ELAPOR2: variants seen among roughly 807,000 people sequenced by gnomAD.
ELAPOR2 encodes the protein endosome-lysosome associated apoptosis and autophagy regulator family member 2, also known as endosome/lysosome-associated apoptosis and autophagy regulator family member 2.
Under a neutral mutation model 120.7 loss-of-function variants are expected in ELAPOR2, and 89 were observed. The ratio of observed to expected loss-of-function variants is 0.74; its 90% CI spans 0.62 to 0.88. ELAPOR2 has a LOEUF of 0.88. Ranked by LOEUF, ELAPOR2 falls within the 40% of genes least tolerant of loss-of-function variation. The pLI is 0.00. For synonymous variants in ELAPOR2, 444 were observed against 444.9 expected, an observed-to-expected ratio of 1.00 and a Z score of 0.03; for missense variants, 1,134 against 1,251.6, an observed-to-expected ratio of 0.91 and a Z score of 1.42.
chr7:86,984,863 T>TA (rs1317936214), intron 1 of ELAPOR2, among the ~76,000 whole-genome samples: 18 of 151,766 alleles, frequency 1.2e-4, no homozygotes, highest in South Asian at 4.2e-4. Flanking sequence ...GATAGAGACA[T>TA]AAAAAACCCT....
chr7:86,980,855 T>C (rs1792448744), intron 1 of ELAPOR2, among the ~76,000 whole-genome samples: 1 of 152,070 alleles, frequency 6.6e-6, no homozygotes, highest in Non-Finnish European at 1.5e-5. Flanking sequence ...GATTAACGTT[T>C]CCCCCATTAT....
intron 18 of ELAPOR2, among the ~76,000 whole-genome samples, chr7:86,907,302 T>C (rs997529280): frequency 2.4e-4 from 37 of 152,118 alleles, no homozygotes; most frequent in African/African-American, 8.4e-4. Flanking sequence ...AGCTAGTTAA[T>C]TGTTGATCTA....
intron 1 of ELAPOR2, among the ~76,000 whole-genome samples, chr7:87,031,739 T>G (rs1794428559): frequency 6.6e-6 from 1 of 152,180 alleles, no homozygotes; most frequent in Non-Finnish European, 1.5e-5. Flanking sequence ...TTACATTATC[T>G]TATTGGAGCT....
At position 86,947,768 on chromosome 7, in the gene ELAPOR2, A is replaced by C. The variant is rs952987493; in HGVS notation, c.465T>G (p.Thr155=). Residue 155 remains threonine, a synonymous_variant, in exon 3 of 22, where the codon ACT becomes ACG. Coordinates refer to ENST00000450689, the MANE Select transcript of ELAPOR2 (RefSeq NM_001142749.3). Reference sequence around the variant, plus strand: ...GCCTGCTGTCAGAAGGGCCCACCACAGTGTCCATGAATGTTGCGATGTTAG... The same window carrying C: ...GCCTGCTGTCAGAAGGGCCCACCACCGTGTCCATGAATGTTGCGATGTTAG... ...GFSNIATFMD[T]VVGPSDSRPD... is the part of the protein sequence containing the mutation. The C allele has an allele frequency of 2.7e-5, 42 of 1,551,622 alleles. No homozygotes were observed. The highest frequency in any genetic ancestry group is 3.5e-5 in the Non-Finnish European group (40 of 1,147,000).
At chr7:86,901,225 AAATG>A (rs1409326126) in intron 18 of ELAPOR2, among the ~76,000 whole-genome samples, 1 of 152,214 alleles carries the variant, frequency 6.6e-6, no homozygotes, top group Non-Finnish European at 1.5e-5. Flanking sequence ...CTTTCTTGGT[AAATG>A]AATAAGAGAC....
At chr7:86,985,543 A>G (rs998777817) in intron 1 of ELAPOR2, among the ~76,000 whole-genome samples, 19 of 152,232 alleles carry the variant, frequency 1.2e-4, no homozygotes, top group Admixed American at 1.2e-3. Context: ...AACATACGCA[A>G]ATCAATAAAT....
intron 6 of ELAPOR2, 133 bp from the exon 7 acceptor site, chr7:86,939,093 T>C: frequency 2.3e-6 from 2 of 871,366 alleles, no homozygotes; most frequent in Non-Finnish European, 1.7e-6. Flanking sequence ...TTTTATCTTA[T>C]TCATCCAGCA....
chr7:86,881,321 C>T (rs1027117090), intron 21 of ELAPOR2, among the ~76,000 whole-genome samples: 3 of 151,386 alleles, frequency 2.0e-5, no homozygotes, highest in Non-Finnish European at 4.4e-5. Context: ...CTCAGCCTCC[C>T]GAGTAGCTGG....
chr7:86,892,506 C>T (rs1788213541), intron 20 of ELAPOR2, among the ~76,000 whole-genome samples: 2 of 152,070 alleles, frequency 1.3e-5, no homozygotes, highest in South Asian at 2.1e-4. Context: ...TTTGCCTATA[C>T]ACTAGGTCTG....
At chr7:87,038,526 G>A (rs1794657820) in intron 1 of ELAPOR2, among the ~76,000 whole-genome samples, 2 of 152,214 alleles carry the variant, frequency 1.3e-5, no homozygotes, top group Non-Finnish European at 1.5e-5. Flanking sequence ...TTAAAGAAAT[G>A]CACATGTTAG....
chr7:86,936,443 A>C (rs765668245), intron 8 of ELAPOR2, among the ~76,000 whole-genome samples: 15 of 152,124 alleles, frequency 9.9e-5, no homozygotes, highest in Non-Finnish European at 1.6e-4. Context: ...AAAATTTCAA[A>C]TTCACATATG....
intron 1 of ELAPOR2, among the ~76,000 whole-genome samples, chr7:86,973,144 A>C (rs1340118078): frequency 1.3e-5 from 2 of 152,090 alleles, no homozygotes; most frequent in African/African-American, 2.4e-5. Flanking sequence ...CTCCACAGCC[A>C]GTTCTAAATG....
intron 6 of ELAPOR2, 93 bp downstream of exon 6, chr7:86,939,917 A>G: frequency 2.9e-6 from 2 of 684,040 alleles, no homozygotes; most frequent in South Asian, 2.7e-5. Context: ...TGTTCTATAA[A>G]TCTTTGAGCC....
chr7:87,033,057 G>A (rs75516291), intron 1 of ELAPOR2, among the ~76,000 whole-genome samples: 18 of 152,194 alleles, frequency 1.2e-4, no homozygotes, highest in African/African-American at 3.6e-4. Context: ...AATAAGATTC[G>A]ATCAATAGCC....
rs1416915957 is a variant in ELAPOR2 at position 86,944,973 on chromosome 7, C to T, written c.580G>A (p.Val194Met). The change falls in exon 4 of 22, where the codon GTG (valine) becomes ATG (methionine). Residue 194 changes from valine to methionine, a missense_variant. By Grantham distance (21) the Val-to-Met change is conservative. Transcript: ENST00000450689. ...ACATAGCCTGACTTCTTAAGGTGCA[C>T]AGCATAGATCAAAGACACCGTGCAG... The part of the protein sequence containing the change: ...DDCTVSLIYA[V>M]HLKKSGYVFF... 6.4e-7 allele frequency: 1 copy of T among 1,550,646 alleles called. No homozygotes were observed. Among genetic ancestry groups the T allele is most frequent in the African/African-American group, 1.4e-5 (1 of 73,002 alleles).
chr7:87,020,518 G>T (rs1794004622), intron 1 of ELAPOR2, among the ~76,000 whole-genome samples: 1 of 152,086 alleles, frequency 6.6e-6, no homozygotes, highest in Non-Finnish European at 1.5e-5. Flanking sequence ...GCCAGGCTCA[G>T]AAGGTAACAT....
At chr7:86,955,748 T>C (rs2116433289) in intron 2 of ELAPOR2, among the ~76,000 whole-genome samples, 1 of 152,150 alleles carries the variant, frequency 6.6e-6, no homozygotes, top group South Asian at 2.1e-4. Flanking sequence ...CCAATTCAGA[T>C]TCCAAGTTTC....
intron 2 of ELAPOR2, among the ~76,000 whole-genome samples, chr7:86,948,559 T>C (rs937392406): frequency 6.6e-6 from 1 of 152,068 alleles, no homozygotes; most frequent in Non-Finnish European, 1.5e-5. Context: ...AGCAGTGCAA[T>C]AGTTGAACAG....
chr7:86,972,271 T>A (rs75894239), intron 1 of ELAPOR2, among the ~76,000 whole-genome samples: 2,739 of 152,204 alleles, frequency 0.018, 37 homozygotes, highest in Non-Finnish European at 0.026. Context: ...CACCACCCAA[T>A]CAGAACCAAG....
Sources: allele counts gnomAD v4.1 joint callset (sites outside exome capture counted in the v4.1 genomes callset), GRCh38; gene constraint gnomAD v4.1.1; transcripts MANE v1.5; gene names NCBI Gene and HGNC (gene_info 2026-07-23, HGNC 2026-07-21).